The following ATP6V1H variants were observed in gnomAD, a reference collection of about 807,000 sequenced individuals.
ATP6V1H encodes the protein V-type proton ATPase subunit H.
In ATP6V1H, 39 loss-of-function variants were observed where a neutral mutation model predicts 71.7. The observed-to-expected ratio is 0.54, with a 90% CI of 0.42 to 0.71. The LOEUF is 0.71. Among genes scored for constraint, ATP6V1H ranks in the 30% least tolerant of loss-of-function variants. The pLI, the probability that ATP6V1H is intolerant of heterozygous loss-of-function variation, is 0.00. For missense variants in ATP6V1H, 509 were observed against 594.9 expected (o/e 0.86, Z 1.50); for synonymous variants, 192 against 199.3 (o/e 0.96, Z 0.31).
At chr8:53,777,463 C>T (rs150510359) in intron 9 of ATP6V1H, among the ~76,000 whole-genome samples, 4 of 150,940 alleles carry the variant, frequency 2.7e-5, no homozygotes, top group Admixed American at 2.0e-4. Context: ...AGAAGTGGAA[C>T]GATATCTTGA....
At chr8:53,722,186 C>CCCCTGCT (rs1161714446) in intron 13 of ATP6V1H, among the ~76,000 whole-genome samples, 14 of 152,216 alleles carry the variant, frequency 9.2e-5, no homozygotes, top group African/African-American at 2.9e-4. Flanking sequence ...TTGTCCTCTT[C>CCCCTGCT]CCCTGCTACT....
intron 9 of ATP6V1H, among the ~76,000 whole-genome samples, chr8:53,786,498 T>TC (rs1809388907): frequency 2.0e-5 from 3 of 152,166 alleles, no homozygotes; most frequent in Admixed American, 1.3e-4. Flanking sequence ...GGTGAGGCGA[T>TC]GCCTCACCCT....
intron 4 of ATP6V1H, among the ~76,000 whole-genome samples, chr8:53,827,097 G>T (rs554881725): frequency 6.6e-6 from 1 of 151,064 alleles, no homozygotes; most frequent in Non-Finnish European, 1.5e-5. Context: ...AAAATAAAAT[G>T]CAGGCTGGGC....
intron 9 of ATP6V1H, 78 bp from the exon 10 acceptor site, chr8:53,772,245 A>C: frequency 8.9e-7 from 1 of 1,129,696 alleles, no homozygotes; most frequent in South Asian, 1.6e-5. Flanking sequence ...ACATTCTTTT[A>C]TAGTCTCTCT....
intron 8 of ATP6V1H, among the ~76,000 whole-genome samples, 194 bp from the exon 9 acceptor site, chr8:53,796,033 T>C (rs1026068053): frequency 6.6e-6 from 1 of 151,980 alleles, no homozygotes. Flanking sequence ...TAACCCTCTC[T>C]CCAAAAGTCA....
At chr8:53,725,959 T>C (rs1806795892) in intron 13 of ATP6V1H, among the ~76,000 whole-genome samples, 1 of 152,172 alleles carries the variant, frequency 6.6e-6, no homozygotes, top group African/African-American at 2.4e-5. Flanking sequence ...GGGAAAAAAC[T>C]AGGCAAAATT....
intron 2 of ATP6V1H, among the ~76,000 whole-genome samples, chr8:53,833,916 T>A (rs749675651): frequency 5.9e-4 from 89 of 152,122 alleles, no homozygotes; most frequent in Non-Finnish European, 1.0e-3. Flanking sequence ...TGCTGCTGAA[T>A]TTGAAAATGA....
At chr8:53,776,400 G>C (rs1157505559) in intron 9 of ATP6V1H, among the ~76,000 whole-genome samples, 1 of 152,216 alleles carries the variant, frequency 6.6e-6, no homozygotes, top group Non-Finnish European at 1.5e-5. Flanking sequence ...TAGGAGCCCA[G>C]GCAGAGGAGG....
At chr8:53,755,709 TATATATATATATATATATATATATATA>T (rs1808004276) in intron 12 of ATP6V1H, among the ~76,000 whole-genome samples, 4 of 4,866 alleles carry the variant, frequency 8.2e-4, no homozygotes, top group East Asian at 6.1e-3. Context: ...TATATATATA[TATATATATATATATATATATATATATA>T]TATATATATT....
intron 13 of ATP6V1H, among the ~76,000 whole-genome samples, chr8:53,731,708 C>CA (rs1284874755): frequency 3.3e-5 from 5 of 152,346 alleles, no homozygotes; most frequent in South Asian, 2.1e-4. Context: ...AACCTGGTGT[C>CA]AGAGGGGTTT....
chr8:53,816,178 A>G (rs1810442526), intron 5 of ATP6V1H, among the ~76,000 whole-genome samples: 1 of 152,258 alleles, frequency 6.6e-6, no homozygotes, highest in Non-Finnish European at 1.5e-5. Flanking sequence ...ATATAAATAT[A>G]CTATATGAAT....
intron 11 of ATP6V1H, among the ~76,000 whole-genome samples, chr8:53,761,038 G>C (rs1377525095): frequency 6.6e-6 from 1 of 151,990 alleles, no homozygotes; most frequent in Non-Finnish European, 1.5e-5. Context: ...AAACATAAAA[G>C]AAAAATACCA....
At chr8:53,781,274 C>T (rs1029740401) in intron 9 of ATP6V1H, among the ~76,000 whole-genome samples, 7 of 152,186 alleles carry the variant, frequency 4.6e-5, no homozygotes, top group South Asian at 4.1e-4. Context: ...TTTTGATTTG[C>T]ATTTCTCTGA....
chr8:53,840,184 T>C (rs191439022), intron 2 of ATP6V1H, among the ~76,000 whole-genome samples: 2 of 152,300 alleles, frequency 1.3e-5, no homozygotes, highest in East Asian at 3.9e-4. Flanking sequence ...CCTGTGCATC[T>C]TTCTATTGCC....
intron 9 of ATP6V1H, among the ~76,000 whole-genome samples, chr8:53,792,058 T>G (rs888356429): frequency 6.6e-6 from 1 of 152,184 alleles, no homozygotes; most frequent in Non-Finnish European, 1.5e-5. Context: ...ACTAAAATAC[T>G]CCAAAGTAAA....
chr8:53,724,935 C>G (rs566760746), intron 13 of ATP6V1H, among the ~76,000 whole-genome samples: 15 of 151,220 alleles, frequency 9.9e-5, no homozygotes, highest in Non-Finnish European at 2.2e-4. Context: ...ATCAGTCAAC[C>G]TGGATTTAAA....
chr8:53,745,911 G>A (rs557245085), intron 12 of ATP6V1H, among the ~76,000 whole-genome samples: 156 of 152,308 alleles, frequency 1.0e-3, no homozygotes, highest in Non-Finnish European at 1.6e-3. Context: ...AGCGCCTCTA[G>A]TATTGACACA....
At chr8:53,828,158 T>C (rs1362357047) in intron 4 of ATP6V1H, among the ~76,000 whole-genome samples, 1 of 152,222 alleles carries the variant, frequency 6.6e-6, no homozygotes, top group Non-Finnish European at 1.5e-5. Context: ...ATGGTAGTTC[T>C]GTTTTTAGCT....
intron 5 of ATP6V1H, among the ~76,000 whole-genome samples, chr8:53,815,754 C>T (rs1810428626): frequency 6.6e-6 from 1 of 152,150 alleles, no homozygotes; most frequent in South Asian, 2.1e-4. Flanking sequence ...AAAAAGATTA[C>T]TGTTAGGAGG....
Sources: allele counts gnomAD v4.1 joint callset (sites outside exome capture counted in the v4.1 genomes callset), GRCh38; gene constraint gnomAD v4.1.1; transcripts MANE v1.5; gene names NCBI Gene and HGNC (gene_info 2026-07-23, HGNC 2026-07-21).